NDE1: variants seen among roughly 807,000 people sequenced by gnomAD.
NDE1 encodes the protein nuclear distribution protein nudE homolog 1.
A neutral mutation model predicts 43.4 loss-of-function variants in NDE1; 28 were observed. The ratio of observed to expected loss-of-function variants is 0.65; its 90% CI spans 0.48 to 0.89. The LOEUF is 0.89. NDE1 is among the 40% of genes least tolerant of loss of function. NDE1 has a pLI of 0.00. For synonymous variants in NDE1, 184 were observed against 172.0 expected (o/e 1.07, Z -0.55); for missense variants, 441 against 434.1 (o/e 1.02, Z -0.14).
At chr16:15,673,598 T>C (rs1264333589) in intron 3 of NDE1, among the ~76,000 whole-genome samples, 1 of 151,542 alleles carries the variant, frequency 6.6e-6, no homozygotes, top group Non-Finnish European at 1.5e-5. Flanking sequence ...AGTGGCATGA[T>C]CATAGTTTAC....
chr16:15,652,464 C>A, intron 1 of NDE1, among the ~76,000 whole-genome samples: 1 of 152,220 alleles, frequency 6.6e-6, no homozygotes, highest in Non-Finnish European at 1.5e-5. Context: ...GTTAGTACTA[C>A]ACGTGCACCT....
In NDE1 at chr16:15,724,404, G is replaced by A. The variant is rs377329568; in HGVS notation, c.*153G>A. 84 of 1,613,808 alleles carry A rather than the reference G, an allele frequency of 5.2e-5. No homozygotes were observed. In the South Asian group the frequency reaches 5.7e-4, roughly 11 times the overall value. ...AGTCCTGCAGCTTCTTCTTCGAGTC[G>A]GAGAGCTACAAGGACAGCGTCCAGG... On this transcript the variant is annotated 3_prime_UTR_variant, in exon 9 of 9. Coordinates refer to ENST00000396354, the MANE Select transcript of NDE1 (RefSeq NM_017668.3).
At chr16:15,674,834 C>T (rs2037784411) in intron 3 of NDE1, among the ~76,000 whole-genome samples, 1 of 152,082 alleles carries the variant, frequency 6.6e-6, no homozygotes, top group South Asian at 2.1e-4. Context: ...ATCTCAGCCT[C>T]CTAACTGGGA....
intron 3 of NDE1, among the ~76,000 whole-genome samples, chr16:15,674,946 G>A (rs756202777): frequency 6.6e-6 from 1 of 152,102 alleles, no homozygotes; most frequent in South Asian, 2.1e-4. Context: ...CGGTGATAAT[G>A]TGTGAAAGCA....
At chr16:15,709,811 C>T (rs1040746544) in intron 8 of NDE1, among the ~76,000 whole-genome samples, 1 of 152,212 alleles carries the variant, frequency 6.6e-6, no homozygotes, top group Non-Finnish European at 1.5e-5. Context: ...TTTATGATTA[C>T]TTGCTCTTCA....
At chr16:15,645,935 GAAGTTAAATTGAGTT>G (rs2036322274), upstream of NDE1, among the ~76,000 whole-genome samples, 1 of 152,126 alleles carries the variant, frequency 6.6e-6, no homozygotes, top group Non-Finnish European at 1.5e-5. Flanking sequence ...AGGACCTAAG[GAAGTTAAATTGAGTT>G]ATCTGCTCAG....
chr16:15,658,766 C>T (rs914308369), intron 1 of NDE1, among the ~76,000 whole-genome samples: 1 of 152,162 alleles, frequency 6.6e-6, no homozygotes, highest in African/African-American at 2.4e-5. Context: ...AAGCGATTCT[C>T]ATGCCTTAGC....
upstream of NDE1, among the ~76,000 whole-genome samples, chr16:15,648,197 CCTTT>C (rs533999674): frequency 2.6e-5 from 4 of 151,970 alleles, no homozygotes; most frequent in Non-Finnish European, 4.4e-5. Flanking sequence ...AAGCATTTAT[CCTTT>C]CTTTGTGTTA....
At chr16:15,710,258 C>A (rs1199307306) in intron 8 of NDE1, among the ~76,000 whole-genome samples, 2 of 152,146 alleles carry the variant, frequency 1.3e-5, no homozygotes, top group Admixed American at 6.5e-5. Flanking sequence ...CATGGTGGCT[C>A]ACGCCTGTAA....
At chr16:15,652,376 C>G (rs1008785652) in intron 1 of NDE1, among the ~76,000 whole-genome samples, 2 of 152,220 alleles carry the variant, frequency 1.3e-5, no homozygotes, top group Non-Finnish European at 2.9e-5. Flanking sequence ...GAATGTGAGC[C>G]GAGAATTGAC....
At chr16:15,686,232 G>A (rs1287972028) in intron 4 of NDE1, 19 of 367,094 alleles carry the variant, frequency 5.2e-5, no homozygotes, top group East Asian at 1.7e-4. Context: ...GATTACAGGC[G>A]TGAGCCACCG....
intron 8 of NDE1, among the ~76,000 whole-genome samples, chr16:15,706,471 C>T (rs1279665450): frequency 6.6e-6 from 1 of 152,050 alleles, no homozygotes; most frequent in Non-Finnish European, 1.5e-5. Flanking sequence ...TTGGGGAGGC[C>T]GAGGTGGGCA....
In NDE1 at chr16:15,719,383, A is replaced by G. The variant is rs954910247; in HGVS notation, c.948-4808A>G. On this transcript the variant is annotated intron_variant, in intron 8 of 8. Coordinates refer to ENST00000396354, the MANE Select transcript of NDE1 (RefSeq NM_017668.3). ...CACCAAGAGTCCACCCTGACAACTC[A>G]GCCACCCTTGAAAGTACATGTTCTT... 5.2e-6 allele frequency: 8 copies of G among 1,534,534 alleles called. No homozygotes were observed. The Admixed American group carries it at 8.8e-5, about 17-fold the overall frequency.
At chr16:15,643,637 C>T in exon 1 of NDE1, 2 of 273,458 alleles carry the variant, frequency 7.3e-6, no homozygotes, top group South Asian at 3.1e-5. Context: ...AATTAAATGG[C>T]GCATATTCCC....
chr16:15,699,160 T>C (rs934277763), intron 8 of NDE1, among the ~76,000 whole-genome samples: 3 of 152,094 alleles, frequency 2.0e-5, no homozygotes, highest in Non-Finnish European at 4.4e-5. Context: ...CTGCTTCTCA[T>C]TGAGATTTCT....
chr16:15,679,756 T>C lies in NDE1; in HGVS notation c.386+1807T>C, dbSNP rs149787243. ...GTGAGTGGTGTTTCCCACGTGGTGT[T>C]TCCCACAGACTATTAGTTGTTTTTT... On this transcript the variant is annotated intron_variant, in intron 4 of 8. Coordinates refer to ENST00000396354, the MANE Select transcript of NDE1 (RefSeq NM_017668.3). Among the ~76,000 whole-genome samples, 918 of 152,000 alleles carry C rather than the reference T, an allele frequency of 6.0e-3. 7 individuals are homozygous for C. Among genetic ancestry groups the C allele is most frequent in the South Asian group, 0.014 (68 of 4,830 alleles).
intron 2 of NDE1, 26 bp downstream of exon 2, chr16:15,664,887 CTTTT>C (rs377725096): frequency 6.8e-4 from 912 of 1,335,330 alleles, no homozygotes; most frequent in Middle Eastern, 1.1e-3. Flanking sequence ...CCTGCTTTTC[CTTTT>C]TTTTTTTTTT....
At chr16:15,675,202 A>G (rs566640321) in intron 3 of NDE1, among the ~76,000 whole-genome samples, 1 of 145,338 alleles carries the variant, frequency 6.9e-6, no homozygotes, top group Non-Finnish European at 1.5e-5. Context: ...GCCCCCTCCC[A>G]GTCCCCCACC....
In NDE1 at chr16:15,725,675, AAAC is replaced by A. The variant is rs1404323167; in HGVS notation, c.*1426_*1428del. On this transcript the variant is annotated 3_prime_UTR_variant, in exon 9 of 9. Transcript: ENST00000396354. ...CTGCTCTCAACTGCATGTGAGAAAA[AAAC>A]ATCTCACTTAATTCTTCCCTCGCCC... The A allele has an allele frequency of 7.5e-6, 3 of 398,894 alleles. No individual in the cohort carries two copies. Among genetic ancestry groups the A allele is most frequent in the Non-Finnish European group, 1.3e-5 (3 of 226,378 alleles). 24.7% of individuals were successfully genotyped at this position (398,894 alleles called of 1,614,324 possible).
Sources: gnomAD v4.1 joint callset for allele counts (sites outside exome capture counted in the v4.1 genomes callset) on GRCh38, gnomAD v4.1.1 for gene constraint, MANE v1.5 for transcripts, NCBI Gene and HGNC (gene_info 2026-07-23, HGNC 2026-07-21) for gene names.